The following COL8A2 variants were observed in gnomAD, a reference collection of about 807,000 sequenced individuals.
COL8A2 encodes collagen alpha-2(VIII) chain.
Under a neutral mutation model 24.0 loss-of-function variants are expected in COL8A2, and 16 were observed. The ratio of observed to expected loss-of-function variants is 0.67; its 90% CI spans 0.45 to 1.01. COL8A2 has a LOEUF of 1.01. Ranked by LOEUF, COL8A2 falls within the 50% of genes least tolerant of loss-of-function variation. The pLI is 0.00. For synonymous variants in COL8A2, 466 were observed against 424.5 expected (o/e 1.10, Z -1.20); for missense variants, 818 against 942.4 (o/e 0.87, Z 1.73).
In COL8A2 at chr1:36,111,656, T is replaced by A. The variant is rs564836704; in HGVS notation, c.-17+4052A>T. ...GCTTCAGACTCTTGGGTTCAAGCCA[T>A]CCTCTTGTCTCAGCCTCCTGAGCAG... is the stretch of plus-strand genomic sequence containing the variant. On this transcript the variant is annotated intron_variant, in intron 2 of 3. Coordinates refer to ENST00000397799, the MANE Select transcript of COL8A2 (RefSeq NM_005202.4). Among the ~76,000 whole-genome samples, 5 of 152,030 alleles carry A rather than the reference T, an allele frequency of 3.3e-5. No individual in the cohort carries two copies. In the East Asian group the frequency reaches 7.8e-4, roughly 24 times the overall value.
chr1:36,107,204 A>T (rs1392248455), intron 2 of COL8A2, among the ~76,000 whole-genome samples: 1 of 152,148 alleles, frequency 6.6e-6, no homozygotes, highest in Non-Finnish European at 1.5e-5. Flanking sequence ...CAGGAGTTCA[A>T]GACCAGCCTG....
At chr1:36,117,654 T>G (rs1485423572) in intron 1 of COL8A2, among the ~76,000 whole-genome samples, 1 of 152,168 alleles carries the variant, frequency 6.6e-6, no homozygotes, top group East Asian at 1.9e-4. Context: ...AAGTATTTCA[T>G]CTTCCCTTTT....
intron 2 of COL8A2, among the ~76,000 whole-genome samples, chr1:36,103,062 A>C (rs897000535): frequency 6.6e-6 from 1 of 152,138 alleles, no homozygotes; most frequent in African/African-American, 2.4e-5. Context: ...GGCTCACTGC[A>C]GCCTCGGCCT....
intron 2 of COL8A2, among the ~76,000 whole-genome samples, chr1:36,100,486 C>A (rs2124077465): frequency 6.6e-6 from 1 of 152,262 alleles, no homozygotes. Flanking sequence ...TGTTCATCAC[C>A]CCCACCATCT....
rs753899490 is a variant in COL8A2, at chr1:36,097,788, G to A, written c.1893C>T (p.Thr631=). The A allele has an allele frequency of 6.2e-7, 1 of 1,613,832 alleles. No individual in the cohort carries two copies. The highest frequency in any genetic ancestry group is 1.7e-5 in the Admixed American group (1 of 60,030). Residue 631 remains threonine (T), a synonymous_variant, in exon 4 of 4, where the codon ACC becomes ACT. Coordinates refer to ENST00000397799, the MANE Select transcript of COL8A2 (RefSeq NM_005202.4). ...TCTTGTACAGGGCCACCCACACGTTGGTGCCCTTGACGTGCACATGGTAAG... is the reference window on the plus strand; with the variant it reads ...TCTTGTACAGGGCCACCCACACGTTAGTGCCCTTGACGTGCACATGGTAAG... ...YFAYHVHVKG[T]NVWVALYKNN...
chr1:36,099,607 T>G, intron 3 of COL8A2, 120 bp from the exon 4 acceptor site: 1 of 784,974 alleles, frequency 1.3e-6, no homozygotes, highest in Non-Finnish European at 2.1e-6. Flanking sequence ...GGCTGCCCCT[T>G]CCTGCTCTCA....
At chr1:36,109,872 A>T (rs995661288) in intron 2 of COL8A2, among the ~76,000 whole-genome samples, 3 of 151,280 alleles carry the variant, frequency 2.0e-5, no homozygotes, top group African/African-American at 7.3e-5. Flanking sequence ...TTGGGATTAC[A>T]GGTGTAAGCC....
rs1455778007 is a variant in COL8A2 at position 36,096,652 on chromosome 1, C to G, written c.*917G>C. On this transcript the variant is annotated 3_prime_UTR_variant, in exon 4 of 4. Coordinates refer to ENST00000397799, the MANE Select transcript of COL8A2 (RefSeq NM_005202.4). The stretch of plus-strand genomic sequence containing the variant: ...TACAATTTTGTATTGAGAAAACCAG[C>G]CCAGCCCGCAGCAGGTGGAAGGGGA... 6.6e-6 allele frequency: 1 copy of G among 152,338 alleles called. No individual in the cohort carries two copies. The highest frequency in any genetic ancestry group is 2.4e-5 in the African/African-American group (1 of 41,460). The allele number at this position is 152,338 out of a possible 1,614,324, so 9.4% of individuals were successfully genotyped here.
At position 36,097,324 on chromosome 1, in the gene COL8A2, C is replaced by G; in HGVS notation, c.*245G>C. 2.0e-6 allele frequency: 1 copy of G among 507,742 alleles called. No individual in the cohort carries two copies. Among genetic ancestry groups the G allele is most frequent in the East Asian group, 3.5e-5 (1 of 28,966 alleles). The allele number at this position is 507,742 out of a possible 1,614,324, so 31.5% of individuals were successfully genotyped here. ...ACTCACAAGGGGCTGGGCTGTGTGC[C>G]TCAGGGCCTATGGGGTGCAGCCCTG... On this transcript the variant is annotated 3_prime_UTR_variant, in exon 4 of 4. Transcript: ENST00000397799.
chr1:36,124,701 G>C (rs1643938461), intron 1 of COL8A2, among the ~76,000 whole-genome samples: 1 of 152,142 alleles, frequency 6.6e-6, no homozygotes, highest in Non-Finnish European at 1.5e-5. Context: ...TGTGAAGGCG[G>C]CTTTTTTATC....
At chr1:36,122,359 C>G (rs2124115459) in intron 1 of COL8A2, among the ~76,000 whole-genome samples, 1 of 152,304 alleles carries the variant, frequency 6.6e-6, no homozygotes, top group Admixed American at 6.5e-5. Flanking sequence ...CACACTCCAC[C>G]CACTCTGGAA....
At chr1:36,103,784 A>T (rs947077585) in intron 2 of COL8A2, among the ~76,000 whole-genome samples, 21 of 151,598 alleles carry the variant, frequency 1.4e-4, no homozygotes, top group Non-Finnish European at 2.8e-4. Flanking sequence ...AGGGTTCACC[A>T]TGTAGGCCAG....
rs1051053308 is a variant in COL8A2, at chr1:36,115,285, T to C, written c.-17+423A>G. Among the ~76,000 whole-genome samples, 7 of 152,174 alleles carry C rather than the reference T, an allele frequency of 4.6e-5. No homozygotes were observed. The highest frequency in any genetic ancestry group is 1.0e-4 in the Non-Finnish European group (7 of 68,040). On this transcript the variant is annotated intron_variant, in intron 2 of 3. Transcript: ENST00000397799. The surrounding 1 kb of genome is among the most constrained non-coding windows in gnomAD (Gnocchi z 5.7). ...CACCTTCTGGTTCGCATTTGCAGCC[T>C]TTTCCGGAGCGCCACCCGCCACCCG...
chr1:36,100,143 C>T lies in COL8A2; in HGVS notation c.100G>A (p.Gly34Arg). The T allele has an allele frequency of 2.5e-6, 4 of 1,612,688 alleles. No homozygotes were observed. The highest frequency in any genetic ancestry group is 3.4e-6 in the Non-Finnish European group (4 of 1,179,566). Residue 34 changes from glycine (G) to arginine (R), a missense_variant, in exon 3 of 4, where the codon GGG becomes AGG. This residue lies in a region of COL8A2 where 573 missense variants were observed against 616.8 expected (regional missense o/e 0.93). Transcript: ENST00000397799. ...PRASSGGGAGGAAGYAPVKYI... is the reference protein window; with the variant it reads ...PRASSGGGAGRAAGYAPVKYI... ...TTCACTGGGGCATAGCCCGCCGCCC[C>T]ACCGGCCCCGCCACCAGAGGACGCC...
chr1:36,099,092 C>T lies in COL8A2; in HGVS notation c.589G>A (p.Gly197Arg). ...TTGAGGCCTCGATCACCTGGGGGCCCAGGCTCCCCCTGGGGCCCTGGTTCC... is the reference window on the plus strand; with the variant it reads ...TTGAGGCCTCGATCACCTGGGGGCCTAGGCTCCCCCTGGGGCCCTGGTTCC... ...QGEPGPQGEP[G>R]PPGDRGLKGD... Residue 197 changes from glycine (G) to arginine (R), a missense_variant, in exon 4 of 4, where the codon GGG (glycine) becomes AGG (arginine). Physicochemically the swap from Gly to Arg is moderately radical, Grantham distance 125. Around this residue, in one of 3 missense-constraint regions of COL8A2, gnomAD observed 573 missense variants for 616.8 expected, o/e 0.93. Coordinates refer to ENST00000397799, the MANE Select transcript of COL8A2 (RefSeq NM_005202.4). The T allele has an allele frequency of 6.6e-7, 1 of 1,508,728 alleles. No individual in the cohort carries two copies. Among genetic ancestry groups the T allele is most frequent in the South Asian group, 1.3e-5 (1 of 74,988 alleles). The allele number at this position is 1,508,728 out of a possible 1,614,324, so 93.5% of individuals were successfully genotyped here.
intron 1 of COL8A2, among the ~76,000 whole-genome samples, chr1:36,118,199 G>C (rs1424536419): frequency 2.0e-5 from 3 of 152,228 alleles, no homozygotes; most frequent in Admixed American, 1.3e-4. Flanking sequence ...CTGGGTCCCA[G>C]AGAGGTCACA....
chr1:36,124,474 G>GC (rs1473652631), intron 1 of COL8A2, among the ~76,000 whole-genome samples: 1 of 152,124 alleles, frequency 6.6e-6, no homozygotes, highest in Non-Finnish European at 1.5e-5. Context: ...CTGGGGGGAT[G>GC]CTGAGCCCCT....
In COL8A2 at chr1:36,098,384, C is replaced by T. The variant is rs1410794668; in HGVS notation, c.1297G>A (p.Gly433Ser). The change falls in exon 4 of 4, where the codon GGT becomes AGT. Residue 433 changes from glycine (G) to serine (S), a missense_variant. Around this residue, in one of 3 missense-constraint regions of COL8A2, gnomAD observed 573 missense variants for 616.8 expected, o/e 0.93. Transcript: ENST00000397799. The part of the protein sequence containing the change: ...TGPKGEPGFT[G>S]RPGGPGVAGA... ...GCCACCCCTGGTCCTCCAGGGCGAC[C>T]CGTGAAACCCGGCTCACCCTTGGGC... is the stretch of plus-strand genomic sequence containing the variant. The T allele has an allele frequency of 1.3e-6, 2 of 1,567,902 alleles. No individual in the cohort carries two copies. Among genetic ancestry groups the T allele is most frequent in the Non-Finnish European group, 1.7e-6 (2 of 1,156,636 alleles).
chr1:36,098,608 C>A lies in COL8A2; in HGVS notation c.1073G>T (p.Gly358Val). 3 of 1,611,138 alleles carry A rather than the reference C, an allele frequency of 1.9e-6. No individual in the cohort carries two copies. The highest frequency in any genetic ancestry group is 2.5e-6 in the Non-Finnish European group (3 of 1,179,250). The change falls in exon 4 of 4, where the codon GGT becomes GTT. Residue 358 changes from glycine to valine, a missense_variant. Physicochemically the swap from Gly to Val is moderately radical, Grantham distance 109. Transcript: ENST00000397799. ...TGCAGACCCAGGAAGTCCAGGGGGA[C>A]CCCCAAGACCCTGTGGGCCCTGCTC... The part of the protein sequence containing the change: ...PGEQGPQGLG[G>V]PPGLPGSAGL...
Sources: gnomAD v4.1 joint callset for allele counts (sites outside exome capture counted in the v4.1 genomes callset) on GRCh38, gnomAD v4.1.1 for gene constraint, gnomAD v4.1.1 regional missense constraint, Gnocchi (gnomAD v3.1) non-coding constraint, MANE v1.5 for transcripts, NCBI Gene and HGNC (gene_info 2026-07-23, HGNC 2026-07-21) for gene names.